DERL2: variants seen among roughly 807,000 people sequenced by gnomAD.
DERL2 encodes the protein derlin 2.
In DERL2, 13 loss-of-function variants were observed where a neutral mutation model predicts 32.0. The observed-to-expected ratio is 0.41, with a 90% confidence interval of 0.26 to 0.65. The LOEUF (loss-of-function observed/expected upper bound fraction) is 0.65, where lower values mean the gene tolerates loss of function less well. Among genes scored for constraint, DERL2 ranks in the 30% least tolerant of loss-of-function variants. The pLI is 0.35. For synonymous variants in DERL2, 111 were observed against 104.7 expected, an observed-to-expected ratio of 1.06 and a Z score of -0.37; for missense variants, 208 against 296.3, an observed-to-expected ratio of 0.70 and a Z score of 2.19.
intron 4 of DERL2, 77 bp from the exon 5 acceptor site, chr17:5,480,659 G>C (rs987526450): frequency 8.0e-7 from 1 of 1,257,232 alleles, no homozygotes; most frequent in African/African-American, 1.6e-5. Context: ...TAAAGATTGT[G>C]TTCTAACAGA....
At chr17:5,483,928 T>A (rs1338426371) in intron 2 of DERL2, among the ~76,000 whole-genome samples, 1 of 152,248 alleles carries the variant, frequency 6.6e-6, no homozygotes. Context: ...TGAGAATTGT[T>A]AACTATTAAA....
upstream of DERL2, chr17:5,486,179 G>GCCCCACCCCCC: frequency 6.5e-7 from 1 of 1,540,444 alleles, no homozygotes. Context: ...ACCGTCGCCT[G>GCCCCACCCCCC]CCCCACCCCC....
chr17:5,478,331 T>C (rs1567610877), intron 6 of DERL2, among the ~76,000 whole-genome samples: 1 of 152,200 alleles, frequency 6.6e-6, no homozygotes, highest in Non-Finnish European at 1.5e-5. Context: ...GCTATGATCA[T>C]ACCACTGCAC....
At chr17:5,482,617 C>G in intron 3 of DERL2, 192 bp downstream of exon 3, 1 of 462,740 alleles carries the variant, frequency 2.2e-6, no homozygotes, top group South Asian at 2.5e-5. Flanking sequence ...ATGGTTAAAA[C>G]CTCCCATTTG....
chr17:5,486,023 T>A lies in DERL2; in HGVS notation c.93+46A>T, dbSNP rs956207273. On this transcript the variant is annotated intron_variant, in intron 1 of 6. Coordinates refer to ENST00000158771, the MANE Select transcript of DERL2 (RefSeq NM_016041.5). ...AAACCCCAGTTTCCTGAAGACCCAG[T>A]CATATCCAGCCCAGATAATGAGAAG... The A allele has an allele frequency of 1.9e-6, 3 of 1,569,152 alleles. No individual in the cohort carries two copies. In the East Asian group the frequency reaches 6.9e-5, roughly 36 times the overall value.
chr17:5,485,951 C>T (rs759788779), intron 1 of DERL2, 118 bp downstream of exon 1: 1 of 853,056 alleles, frequency 1.2e-6, no homozygotes, highest in Non-Finnish European at 1.8e-6. Context: ...TCCCTGTACG[C>T]CTCCACCCAT....
intron 6 of DERL2, among the ~76,000 whole-genome samples, chr17:5,478,631 G>C (rs1905548086): frequency 6.6e-6 from 1 of 152,188 alleles, no homozygotes; most frequent in Non-Finnish European, 1.5e-5. Context: ...TCATGGATGT[G>C]TGCAGAGATT....
chr17:5,480,298 C>T (rs1467967202), intron 5 of DERL2, 89 bp downstream of exon 5: 7 of 1,363,922 alleles, frequency 5.1e-6, no homozygotes, highest in South Asian at 1.3e-5. Flanking sequence ...ATAGGTAATA[C>T]GTGAAGGCCA....
intron 1 of DERL2, 140 bp downstream of exon 1, chr17:5,485,929 A>C (rs1454827026): frequency 1.6e-6 from 1 of 622,388 alleles, no homozygotes; most frequent in Non-Finnish European, 2.6e-6. Context: ...GCCAACTCGA[A>C]CCCCAGAGTA....
At position 5,473,083 on chromosome 17, in the gene DERL2, T is replaced by A. The variant is rs1455652976; in HGVS notation, c.*1601A>T. On this transcript the variant is annotated 3_prime_UTR_variant, in exon 7 of 7. Coordinates refer to ENST00000158771, the MANE Select transcript of DERL2 (RefSeq NM_016041.5). ...TCAAAAACAATCTGAAAATTCCTAT[T>A]TAGGATGTCCATTATGTTTAAGCCT... is the stretch of plus-strand genomic sequence containing the variant. 2 of 152,228 alleles carry A rather than the reference T, an allele frequency of 1.3e-5. No individual in the cohort carries two copies. The allele number at this position is 152,228 out of a possible 1,614,324, so 9.4% of individuals were successfully genotyped here.
At chr17:5,486,246 G>GC (rs988034487), upstream of DERL2, 6 of 1,136,256 alleles carry the variant, frequency 5.3e-6, no homozygotes, top group South Asian at 1.6e-5. Flanking sequence ...GGGCCCAAAG[G>GC]CCCCCCGCCC....
intron 6 of DERL2, chr17:5,478,012 G>A (rs1905500107): frequency 6.6e-6 from 1 of 152,130 alleles, no homozygotes; most frequent in African/African-American, 2.4e-5. Context: ...GGATCAAGGA[G>A]AGCACAGGAT....
In DERL2 at chr17:5,481,777, G is replaced by A. The variant is rs1252675034; in HGVS notation, c.234-388C>T. On this transcript the variant is annotated intron_variant, in intron 3 of 6. Transcript: ENST00000158771. This position sits in a 1 kb window ranked among gnomAD's most constrained non-coding sequence, Gnocchi z 4.4. Reference sequence around the variant, plus strand: ...CGATTCTCCTGCCTCATTCTCCTGAGTAGCTGGGATTACAGTTGTGTGCCA... The same window carrying A: ...CGATTCTCCTGCCTCATTCTCCTGAATAGCTGGGATTACAGTTGTGTGCCA... Among the ~76,000 whole-genome samples, 1 of 152,058 alleles carries A rather than the reference G, an allele frequency of 6.6e-6. No homozygotes were observed.
At chr17:5,478,288 T>C (rs973936892) in intron 6 of DERL2, among the ~76,000 whole-genome samples, 2 of 152,136 alleles carry the variant, frequency 1.3e-5, no homozygotes, top group African/African-American at 2.4e-5. Context: ...GGTGGGAGGA[T>C]CACTTGAGCC....
chr17:5,486,175 G>A lies in DERL2; in HGVS notation c.-14C>T, dbSNP rs372396219. 104 of 1,567,482 alleles carry A rather than the reference G, an allele frequency of 6.6e-5. No homozygotes were observed. The African/African-American group carries it at 1.3e-3, about 19-fold the overall frequency. On this transcript the variant is annotated 5_prime_UTR_variant, in exon 1 of 7. Coordinates refer to ENST00000158771, the MANE Select transcript of DERL2 (RefSeq NM_016041.5). The stretch of plus-strand genomic sequence containing the variant: ...CTGGTACGCCATCTTCCCCACCGTC[G>A]CCTGCCCCACCCCCCACCCACCCCA...
intron 2 of DERL2, among the ~76,000 whole-genome samples, chr17:5,484,251 AG>A (rs1905994655): frequency 6.6e-6 from 1 of 152,176 alleles, no homozygotes; most frequent in Non-Finnish European, 1.5e-5. Flanking sequence ...TCTCTCTTTT[AG>A]CATTTTATTT....
Position 5,473,650 on chromosome 17 carries a change from A to G in DERL2, c.*1034T>C, listed in dbSNP as rs1464494259. On this transcript the variant is annotated 3_prime_UTR_variant, in exon 7 of 7. Transcript: ENST00000158771. ...AAACAAAAAACAAAACAAAACAAAA[A>G]AGGCAAAAAAAAAAAAAATGGCTGG... The G allele has an allele frequency of 9.1e-6, 1 of 109,932 alleles. No homozygotes were observed. The highest frequency in any genetic ancestry group is 4.6e-5 in the African/African-American group (1 of 21,532). The allele number at this position is 109,932 out of a possible 1,614,324, so 6.8% of individuals were successfully genotyped here.
At chr17:5,479,063 G>A (rs955342168) in intron 6 of DERL2, among the ~76,000 whole-genome samples, 4 of 152,166 alleles carry the variant, frequency 2.6e-5, no homozygotes, top group South Asian at 2.1e-4. Flanking sequence ...CAAGTGATCC[G>A]TCTGCCTTCA....
intron 2 of DERL2, among the ~76,000 whole-genome samples, chr17:5,484,181 G>C (rs1259623979): frequency 3.3e-5 from 5 of 152,172 alleles, no homozygotes; most frequent in Non-Finnish European, 7.3e-5. Context: ...ACAGTTATTG[G>C]CTTTTGGGTC....
Sources: gnomAD v4.1 joint callset for allele counts (sites outside exome capture counted in the v4.1 genomes callset) on GRCh38, gnomAD v4.1.1 for gene constraint, Gnocchi (gnomAD v3.1) non-coding constraint, MANE v1.5 for transcripts, NCBI Gene and HGNC (gene_info 2026-07-23, HGNC 2026-07-21) for gene names.